ARAP2: variants seen among roughly 807,000 people sequenced by gnomAD.
The protein encoded by ARAP2 is ArfGAP with RhoGAP domain, ankyrin repeat and PH domain 2, also known as arf-GAP with Rho-GAP domain, ANK repeat and PH domain-containing protein 2.
In ARAP2, 148 loss-of-function variants were observed where a neutral mutation model predicts 194.5. The observed-to-expected ratio is 0.76, with a 90% CI of 0.67 to 0.87. ARAP2 has a LOEUF of 0.87. ARAP2 is among the 40% of genes least tolerant of loss of function. The probability of loss-of-function intolerance (pLI) is 0.00; values close to 1 mark genes in which losing one functional copy is unlikely to be tolerated. For missense variants in ARAP2, 2,128 were observed against 1,989.7 expected (o/e 1.07, Z -1.32); for synonymous variants, 695 against 683.5 (o/e 1.02, Z -0.26).
chr4:36,187,075 T>C (rs1446722741), intron 8 of ARAP2, among the ~76,000 whole-genome samples: 1 of 152,238 alleles, frequency 6.6e-6, no homozygotes, highest in African/African-American at 2.4e-5. Flanking sequence ...TAAATGTCCA[T>C]ATAACCAACT....
chr4:36,039,575 C>T (rs1720498929), intron 5 of ARAP2, among the ~76,000 whole-genome samples: 1 of 152,036 alleles, frequency 6.6e-6, no homozygotes, highest in Admixed American at 6.6e-5. Context: ...CCTGAAAATC[C>T]TGCTCATATT....
At chr4:36,217,535 A>G (rs1439849043) in intron 2 of ARAP2, among the ~76,000 whole-genome samples, 2 of 152,178 alleles carry the variant, frequency 1.3e-5, no homozygotes, top group Non-Finnish European at 2.9e-5. Context: ...ATAAATAAAT[A>G]AATAAAATAC....
intron 27 of ARAP2, among the ~76,000 whole-genome samples, chr4:36,103,944 G>A (rs1018013961): frequency 3.3e-5 from 5 of 151,742 alleles, no homozygotes; most frequent in African/African-American, 7.3e-5. Context: ...AAAACATAAC[G>A]TCAAGCAAAG....
At chr4:36,125,803 CT>C (rs1723752672) in intron 21 of ARAP2, among the ~76,000 whole-genome samples, 1 of 152,012 alleles carries the variant, frequency 6.6e-6, no homozygotes, top group African/African-American at 2.4e-5. Context: ...AAATAAATCA[CT>C]TGTGCTGACT....
intron 5 of ARAP2, among the ~76,000 whole-genome samples, chr4:36,034,470 T>A (rs1312270450): frequency 6.6e-6 from 1 of 152,170 alleles, no homozygotes; most frequent in Non-Finnish European, 1.5e-5. Flanking sequence ...ATAGGAATGC[T>A]AGTGATTTTT....
At chr4:36,007,452 A>G (rs886171326) in intron 9 of ARAP2, among the ~76,000 whole-genome samples, 1 of 152,194 alleles carries the variant, frequency 6.6e-6, no homozygotes, top group Non-Finnish European at 1.5e-5. Flanking sequence ...GATTGAAGCT[A>G]TGTCATCTCA....
At position 36,091,955 on chromosome 4, in the gene ARAP2, GT is replaced by G; in HGVS notation, c.4350del (p.Leu1451TyrfsTer24). 1 of 1,608,284 alleles carries G rather than the reference GT, an allele frequency of 6.2e-7. No homozygotes were observed. The stretch of plus-strand genomic sequence containing the variant: ...CGGTCTTGAAACTTATTTCCAGATA[GT>G]ATTTTGGATGGTTCTTCTTTGATTT... ...ILKIKEEPSK[I>X]LSGNKFQDRY... On this transcript the variant is annotated frameshift_variant, in exon 28 of 33. Coordinates refer to ENST00000303965, the MANE Select transcript of ARAP2 (RefSeq NM_015230.4). LOFTEE classifies it high-confidence loss of function.
At chr4:36,141,113 G>C (rs1728210218) in intron 19 of ARAP2, among the ~76,000 whole-genome samples, 1 of 151,644 alleles carries the variant, frequency 6.6e-6, no homozygotes, top group Admixed American at 6.6e-5. Flanking sequence ...CAAATTTTGA[G>C]AAAAAGATGT....
intron 2 of ARAP2, among the ~76,000 whole-genome samples, chr4:36,222,155 A>G (rs1749308826): frequency 6.6e-6 from 1 of 152,152 alleles, no homozygotes; most frequent in Non-Finnish European, 1.5e-5. Flanking sequence ...GTTACTTAAA[A>G]GTTCTGAACC....
At chr4:36,191,313 T>C (rs1741844895) in intron 7 of ARAP2, among the ~76,000 whole-genome samples, 1 of 152,104 alleles carries the variant, frequency 6.6e-6, no homozygotes. Context: ...AAAAAGATTA[T>C]CTTTCTAATA....
At chr4:36,238,652 T>A (rs1752893912) in intron 1 of ARAP2, among the ~76,000 whole-genome samples, 1 of 152,240 alleles carries the variant, frequency 6.6e-6, no homozygotes, top group African/African-American at 2.4e-5. Context: ...TATGTGTCCA[T>A]GTACGTGGCT....
chr4:36,014,954 C>T (rs1342383497), intron 8 of ARAP2, among the ~76,000 whole-genome samples: 2 of 152,130 alleles, frequency 1.3e-5, no homozygotes, highest in Non-Finnish European at 2.9e-5. Flanking sequence ...CTGTTTCATG[C>T]CACTCCAGGC....
In ARAP2 at chr4:36,119,724, T is replaced by A; in HGVS notation, c.3895-6A>T. 1 of 1,575,062 alleles carries A rather than the reference T, an allele frequency of 6.3e-7. No individual in the cohort carries two copies. The highest frequency in any genetic ancestry group is 8.7e-7 in the Non-Finnish European group (1 of 1,148,330). On this transcript the variant is annotated splice_region_variant and splice_polypyrimidine_tract_variant and intron_variant, in intron 23 of 32. Coordinates refer to ENST00000303965, the MANE Select transcript of ARAP2 (RefSeq NM_015230.4). ...TTGACTTGATCTTCTTTAACCTGTT[T>A]AAAATATAATTCGGGACATTCTAAT...
intron 9 of ARAP2, among the ~76,000 whole-genome samples, chr4:36,011,713 T>C (rs1192220779): frequency 1.3e-5 from 2 of 152,170 alleles, no homozygotes; most frequent in Admixed American, 6.6e-5. Flanking sequence ...TATATTATCA[T>C]TATTCTTTAA....
rs549764634 is a variant in ARAP2 at position 36,182,472 on chromosome 4, T to A, written c.1679-4467A>T. ...GATTGTGCCACTGCACTCCAGCCTG[T>A]GTGACAGAGCGAGACTCCATCTCTA... On this transcript the variant is annotated intron_variant, in intron 8 of 32. Transcript: ENST00000303965. Among the ~76,000 whole-genome samples, 12 of 150,674 alleles carry A rather than the reference T, an allele frequency of 8.0e-5. No homozygotes were observed. The South Asian group carries it at 2.3e-3, about 29-fold the overall frequency.
intron 9 of ARAP2, among the ~76,000 whole-genome samples, chr4:36,008,925 A>G (rs1713863329): frequency 6.6e-6 from 1 of 152,234 alleles, no homozygotes; most frequent in Non-Finnish European, 1.5e-5. Flanking sequence ...ACATACATAC[A>G]ACCAACAAGC....
At chr4:36,045,035 T>C (rs1269769554) in intron 5 of ARAP2, among the ~76,000 whole-genome samples, 1 of 152,066 alleles carries the variant, frequency 6.6e-6, no homozygotes, top group Non-Finnish European at 1.5e-5. Flanking sequence ...ATGGCTATCA[T>C]AAAAAAGATG....
intron 9 of ARAP2, among the ~76,000 whole-genome samples, chr4:36,008,280 G>T (rs1027938078): frequency 6.6e-6 from 1 of 152,032 alleles, no homozygotes; most frequent in African/African-American, 2.4e-5. Flanking sequence ...CACATTACCT[G>T]ACTTCAGCCT....
chr4:36,032,283 T>G (rs1719113008), intron 5 of ARAP2, among the ~76,000 whole-genome samples: 1 of 152,112 alleles, frequency 6.6e-6, no homozygotes, highest in Non-Finnish European at 1.5e-5. Context: ...GGGTAAGAGA[T>G]TCTCGCTAAA....
Sources: gnomAD v4.1 joint callset for allele counts (sites outside exome capture counted in the v4.1 genomes callset) on GRCh38, gnomAD v4.1.1 for gene constraint, MANE v1.5 for transcripts, NCBI Gene and HGNC (gene_info 2026-07-23, HGNC 2026-07-21) for gene names.